The following HECW1 variants were observed in gnomAD, a reference collection of about 807,000 sequenced individuals.
HECW1 encodes HECT, C2 and WW domain containing E3 ubiquitin protein ligase 1.
A neutral mutation model predicts 182.3 loss-of-function variants in HECW1; 61 were observed. The ratio of observed to expected loss-of-function variants is 0.33; its 90% CI spans 0.27 to 0.41. The LOEUF (loss-of-function observed/expected upper bound fraction) is 0.41. Among genes scored for constraint, HECW1 ranks in the 10% least tolerant of loss-of-function variants. The probability of loss-of-function intolerance (pLI) is 1.00; values close to 1 mark genes in which losing one functional copy is unlikely to be tolerated. For missense variants in HECW1, 1,739 were observed against 2,108.9 expected (o/e 0.82, Z 3.44); for synonymous variants, 859 against 832.6 (o/e 1.03, Z -0.55).
chr7:43,509,238 G>T (rs1011039653), intron 24 of HECW1, 117 bp downstream of exon 24: 16 of 916,922 alleles, frequency 1.7e-5, no homozygotes, highest in African/African-American at 3.3e-5. Flanking sequence ...TGTTATGAGG[G>T]ATGAGAGTGA....
chr7:43,508,091 C>T lies in HECW1; in HGVS notation c.3826C>T (p.Gln1276Ter). Reference sequence around the variant, plus strand: ...GATGGCCTATTCGCGGAAAGAGCTCCAGCGAAACAAGCTCTACGTCACCTT... The same window carrying T: ...GATGGCCTATTCGCGGAAAGAGCTCTAGCGAAACAAGCTCTACGTCACCTT... ...QVMAYSRKEL[Q>*]RNKLYVTFVG... is the part of the protein sequence containing the mutation. Residue 1276 changes from glutamine (Q) to a stop codon, truncating the protein, a stop_gained, in exon 23 of 30, where the codon CAG becomes TAG. Coordinates refer to ENST00000395891, the MANE Select transcript of HECW1 (RefSeq NM_015052.5). LOFTEE classifies it high-confidence loss of function. The T allele has an allele frequency of 6.2e-7, 1 of 1,613,966 alleles. No individual in the cohort carries two copies. Among genetic ancestry groups the T allele is most frequent in the African/African-American group, 1.3e-5 (1 of 75,030 alleles).
rs1436056488 is a variant in HECW1, at chr7:43,561,860, G to A, written c.4755G>A (p.Ser1585=). Residue 1585 remains serine (S), a synonymous_variant, in exon 30 of 30, where the codon TCG becomes TCA. Transcript: ENST00000395891. The part of the protein sequence containing the change: ...FNRLDLPPYP[S]YSMLYEKLLT... ...GACTGGATCTTCCACCGTATCCCTC[G>A]TACTCCATGTTGTATGAAAAGCTGT... 7 of 1,613,870 alleles carry A rather than the reference G, an allele frequency of 4.3e-6. No homozygotes were observed. The highest frequency in any genetic ancestry group is 5.9e-6 in the Non-Finnish European group (7 of 1,179,934).
intron 2 of HECW1, among the ~76,000 whole-genome samples, chr7:43,198,749 C>T (rs1289164748): frequency 6.6e-6 from 1 of 151,004 alleles, no homozygotes; most frequent in Non-Finnish European, 1.5e-5. Flanking sequence ...CACTCTCACA[C>T]ACTATAGATT....
intron 4 of HECW1, among the ~76,000 whole-genome samples, chr7:43,317,686 G>A (rs930922148): frequency 3.9e-5 from 6 of 152,176 alleles, no homozygotes; most frequent in African/African-American, 1.2e-4. Flanking sequence ...TTTCTTGTGT[G>A]ATACTTGTGA....
intron 5 of HECW1, among the ~76,000 whole-genome samples, chr7:43,326,666 C>T (rs1810834531): frequency 6.6e-6 from 1 of 152,172 alleles, no homozygotes; most frequent in Non-Finnish European, 1.5e-5. Context: ...CGTACATCCA[C>T]CTTTTATTTC....
At chr7:43,401,470 A>G (rs911044613) in intron 7 of HECW1, among the ~76,000 whole-genome samples, 9 of 152,098 alleles carry the variant, frequency 5.9e-5, no homozygotes, top group African/African-American at 2.2e-4. Flanking sequence ...TGAGCTGAAG[A>G]TAATTTTGAG....
intron 2 of HECW1, among the ~76,000 whole-genome samples, chr7:43,127,501 C>T (rs1404111180): frequency 1.1e-5 from 1 of 90,088 alleles, no homozygotes; most frequent in South Asian, 3.6e-4. Flanking sequence ...CCAGCCTGGG[C>T]AACAAGAGTG....
At chr7:43,286,016 G>C (rs1428665663) in intron 3 of HECW1, among the ~76,000 whole-genome samples, 1 of 152,096 alleles carries the variant, frequency 6.6e-6, no homozygotes, top group African/African-American at 2.4e-5. Context: ...AAGTCATATG[G>C]CTTGCAAAAA....
At chr7:43,271,108 G>T (rs568983622) in intron 3 of HECW1, among the ~76,000 whole-genome samples, 1 of 152,150 alleles carries the variant, frequency 6.6e-6, no homozygotes, top group Non-Finnish European at 1.5e-5. Context: ...TACATGTGTT[G>T]TATGTATATA....
chr7:43,124,143 C>T (rs531490654), intron 2 of HECW1, among the ~76,000 whole-genome samples: 8 of 152,214 alleles, frequency 5.3e-5, no homozygotes, highest in African/African-American at 1.4e-4. Context: ...ACGATGTAAT[C>T]GACGCACTAT....
intron 2 of HECW1, among the ~76,000 whole-genome samples, chr7:43,228,488 T>C (rs1797620489): frequency 6.6e-6 from 1 of 152,148 alleles, no homozygotes; most frequent in South Asian, 2.1e-4. Context: ...AAATGTACCG[T>C]CAGGAGGTGC....
chr7:43,442,450 C>G (rs1348093650), intron 9 of HECW1, 79 bp from the exon 10 acceptor site: 1 of 996,084 alleles, frequency 1.0e-6, no homozygotes, highest in East Asian at 2.6e-5. Context: ...GCCTCACCCA[C>G]TGGTATAGAA....
At chr7:43,284,849 G>A (rs1478914338) in intron 3 of HECW1, among the ~76,000 whole-genome samples, 1 of 152,164 alleles carries the variant, frequency 6.6e-6, no homozygotes, top group Non-Finnish European at 1.5e-5. Flanking sequence ...TGAGGAAATT[G>A]TGGAGGAAAA....
intron 2 of HECW1, among the ~76,000 whole-genome samples, chr7:43,182,132 C>T (rs1792928249): frequency 6.6e-6 from 1 of 152,132 alleles, no homozygotes; most frequent in South Asian, 2.1e-4. Flanking sequence ...ATTTCATTTG[C>T]TGTGTGGAAG....
intron 2 of HECW1, among the ~76,000 whole-genome samples, chr7:43,208,267 T>A (rs1389421983): frequency 6.6e-6 from 1 of 152,260 alleles, no homozygotes; most frequent in Non-Finnish European, 1.5e-5. Context: ...ATTTCTCTAT[T>A]TCAATGGCTA....
At chr7:43,249,468 T>G (rs954950544) in intron 3 of HECW1, 1 of 152,262 alleles carries the variant, frequency 6.6e-6, no homozygotes, top group Non-Finnish European at 1.5e-5. Context: ...TAGTCTGTCC[T>G]GTTCTTTCAA....
intron 5 of HECW1, among the ~76,000 whole-genome samples, chr7:43,327,961 A>ATATTAT (rs4049927): frequency 0.083 from 12,066 of 146,120 alleles, 734 homozygotes; most frequent in African/African-American, 0.17. Context: ...TGAACCATTT[A>ATATTAT]TATTATTATT....
At chr7:43,381,854 G>T (rs2074565724) in intron 6 of HECW1, among the ~76,000 whole-genome samples, 1 of 151,926 alleles carries the variant, frequency 6.6e-6, no homozygotes, top group Non-Finnish European at 1.5e-5. Flanking sequence ...TTTAGAAATG[G>T]GGTTTCACTG....
At chr7:43,340,571 T>C (rs1812844383) in intron 5 of HECW1, among the ~76,000 whole-genome samples, 1 of 151,572 alleles carries the variant, frequency 6.6e-6, no homozygotes, top group South Asian at 2.1e-4. Context: ...TCAAAAACTC[T>C]GTCTGGGGGT....
Sources: allele counts gnomAD v4.1 joint callset (sites outside exome capture counted in the v4.1 genomes callset), GRCh38; gene constraint gnomAD v4.1.1; transcripts MANE v1.5; gene names NCBI Gene and HGNC (gene_info 2026-07-23, HGNC 2026-07-21).